VPS13A: variants seen among roughly 807,000 people sequenced by gnomAD.
VPS13A encodes the protein vacuolar protein sorting 13 homolog A.
A neutral mutation model predicts 390.9 loss-of-function variants in VPS13A; 264 were observed. The ratio of observed to expected loss-of-function variants is 0.68; its 90% CI spans 0.61 to 0.75. The LOEUF (loss-of-function observed/expected upper bound fraction) is 0.75, where lower values mean the gene tolerates loss of function less well. VPS13A is among the 30% of genes least tolerant of loss of function. The probability of loss-of-function intolerance (pLI) is 0.00; values close to 1 mark genes in which losing one functional copy is unlikely to be tolerated. For missense variants in VPS13A, 3,409 were observed against 3,733.9 expected, an observed-to-expected ratio of 0.91 and a Z score of 2.27; for synonymous variants, 1,231 against 1,227.1, an observed-to-expected ratio of 1.00 and a Z score of -0.07.
At chr9:77,308,915 A>C (rs1343089539) in intron 35 of VPS13A, among the ~76,000 whole-genome samples, 2 of 152,152 alleles carry the variant, frequency 1.3e-5, no homozygotes, top group African/African-American at 4.8e-5. Context: ...AGGAAACCCC[A>C]CCCTTACTAG....
At chr9:77,225,886 A>G (rs1324174453) in intron 13 of VPS13A, 40 bp from the exon 14 acceptor site, 1 of 1,503,624 alleles carries the variant, frequency 6.7e-7, no homozygotes. Context: ...ATGTAAAGTT[A>G]TTTTTGTAAA....
intron 47 of VPS13A, chr9:77,339,093 A>G (rs1830683917): frequency 4.8e-6 from 1 of 208,452 alleles, no homozygotes; most frequent in South Asian, 8.2e-5. Context: ...TGGAGGTAGT[A>G]GGGATTACTT....
At chr9:77,250,042 A>G (rs1825067110) in intron 20 of VPS13A, 55 bp from the exon 21 acceptor site, 5 of 1,588,170 alleles carry the variant, frequency 3.1e-6, no homozygotes, top group Middle Eastern at 3.8e-4. Context: ...TAAACACTTT[A>G]TACTTACATT....
intron 22 of VPS13A, among the ~76,000 whole-genome samples, chr9:77,257,707 G>T (rs1245559111): frequency 1.3e-5 from 2 of 152,056 alleles, no homozygotes; most frequent in East Asian, 3.9e-4. Flanking sequence ...TTGAGGCTAC[G>T]GTGGGTTATG....
At chr9:77,288,642 C>T (rs1564697957) in intron 31 of VPS13A, among the ~76,000 whole-genome samples, 1 of 152,106 alleles carries the variant, frequency 6.6e-6, no homozygotes, top group South Asian at 2.1e-4. Context: ...CGTTTCAGTT[C>T]GTTTAAATTT....
rs1160713586 is a variant in VPS13A, at chr9:77,416,032, A to C, written c.*26A>C. ...CAGAGAACACTGCCTGAAGACACAC[A>C]GCAATAAGTGATTACAGCTCCTAGA... On this transcript the variant is annotated 3_prime_UTR_variant, in exon 72 of 72. Transcript: ENST00000360280. 6.2e-7 allele frequency: 1 copy of C among 1,612,758 alleles called. No homozygotes were observed. The highest frequency in any genetic ancestry group is 8.5e-7 in the Non-Finnish European group (1 of 1,178,932).
chr9:77,376,283 C>T (rs1386108601), intron 67 of VPS13A, among the ~76,000 whole-genome samples: 1 of 152,098 alleles, frequency 6.6e-6, no homozygotes, highest in East Asian at 1.9e-4. Flanking sequence ...TCTCGTAGAA[C>T]TCGGCAAGCC....
At chr9:77,253,658 T>C (rs1825271966) in intron 22 of VPS13A, among the ~76,000 whole-genome samples, 1 of 152,192 alleles carries the variant, frequency 6.6e-6, no homozygotes, top group South Asian at 2.1e-4. Context: ...ATCAGATATA[T>C]GATTTGCAAA....
chr9:77,412,408 G>T (rs1277330295), intron 71 of VPS13A, among the ~76,000 whole-genome samples: 1 of 152,198 alleles, frequency 6.6e-6, no homozygotes, highest in Admixed American at 6.5e-5. Flanking sequence ...GATCAAGTGG[G>T]CTTCATCCCT....
chr9:77,202,498 C>T (rs946516797), intron 3 of VPS13A, among the ~76,000 whole-genome samples: 20 of 151,904 alleles, frequency 1.3e-4, no homozygotes, highest in African/African-American at 4.8e-4. Context: ...TATTCTGTAC[C>T]ATAATAATCC....
intron 35 of VPS13A, among the ~76,000 whole-genome samples, chr9:77,310,831 G>T (rs1055478711): frequency 5.3e-5 from 8 of 152,072 alleles, no homozygotes; most frequent in Admixed American, 2.0e-4. Flanking sequence ...GTTTGAATAT[G>T]TCATTTTAAT....
chr9:77,205,622 C>T (rs971295598), intron 4 of VPS13A, among the ~76,000 whole-genome samples: 5 of 151,820 alleles, frequency 3.3e-5, no homozygotes, highest in East Asian at 3.9e-4. Flanking sequence ...GATGGAGTCT[C>T]GCACTGTCAC....
At chr9:77,180,896 A>G (rs1823974582) in intron 1 of VPS13A, among the ~76,000 whole-genome samples, 1 of 152,188 alleles carries the variant, frequency 6.6e-6, no homozygotes, top group Non-Finnish European at 1.5e-5. Context: ...AAAAAATAAC[A>G]AGTCATTGTC....
intron 61 of VPS13A, among the ~76,000 whole-genome samples, chr9:77,367,594 TATAAGTAAGCTA>T (rs763098957): frequency 2.8e-4 from 42 of 152,344 alleles, no homozygotes; most frequent in Non-Finnish European, 5.0e-4. Context: ...ATGGATGGGT[TATAAGTAAGCTA>T]ATCTTAGTAT....
In VPS13A at chr9:77,361,229, G is replaced by A. The variant is rs375257385; in HGVS notation, c.8211+588G>A. 1.9e-3 allele frequency among the ~76,000 whole-genome samples: 295 copies of A among 152,056 alleles called. 1 individual carries two copies. The highest frequency in any genetic ancestry group is 6.0e-3 in the African/African-American group (249 of 41,508). On this transcript the variant is annotated intron_variant, in intron 59 of 71. Coordinates refer to ENST00000360280, the MANE Select transcript of VPS13A (RefSeq NM_033305.3). ...ACAATCATCATCACTCTCTAATTCC[G>A]GAACATTTTCATCATCCCCAAAAGG...
chr9:77,355,287 A>G (rs755802692), intron 54 of VPS13A, among the ~76,000 whole-genome samples: 2 of 152,200 alleles, frequency 1.3e-5, no homozygotes, highest in Non-Finnish European at 2.9e-5. Flanking sequence ...TATCCAGTGT[A>G]GAATTATCGG....
At chr9:77,192,184 A>C (rs1341967135) in intron 1 of VPS13A, among the ~76,000 whole-genome samples, 3 of 151,530 alleles carry the variant, frequency 2.0e-5, no homozygotes, top group Admixed American at 2.0e-4. Flanking sequence ...TTTTTGTTTT[A>C]CTTGCTTGAT....
chr9:77,211,732 C>T (rs1825984427), intron 7 of VPS13A: 1 of 152,272 alleles, frequency 6.6e-6, no homozygotes. Context: ...ACCGTGATAA[C>T]AGTAGTTACT....
chr9:77,280,283 C>A, intron 27 of VPS13A, 45 bp downstream of exon 27: 1 of 1,476,972 alleles, frequency 6.8e-7, no homozygotes, highest in Non-Finnish European at 9.5e-7. Context: ...AAGTATGCTG[C>A]TGAAATGTTA....
Sources: allele counts gnomAD v4.1 joint callset (sites outside exome capture counted in the v4.1 genomes callset), GRCh38; gene constraint gnomAD v4.1.1; transcripts MANE v1.5; gene names NCBI Gene and HGNC (gene_info 2026-07-23, HGNC 2026-07-21).